Variants in PRKAR1B observed in about 807,000 individuals in gnomAD.
PRKAR1B encodes the protein protein kinase cAMP-dependent type I regulatory subunit beta, also known as cAMP-dependent protein kinase type I-beta regulatory subunit.
A neutral mutation model predicts 46.5 loss-of-function variants in PRKAR1B; 22 were observed. That is an observed-to-expected ratio of 0.47 (90% CI 0.34 to 0.68). The LOEUF (loss-of-function observed/expected upper bound fraction) is 0.68. Among genes scored for constraint, PRKAR1B ranks in the 30% least tolerant of loss-of-function variants. The pLI is 0.01. For synonymous variants in PRKAR1B, 259 were observed against 217.7 expected, an observed-to-expected ratio of 1.19 and a Z score of -1.67; for missense variants, 445 against 535.6, an observed-to-expected ratio of 0.83 and a Z score of 1.67.
chr7:559,808 G>A (rs949754632), intron 9 of PRKAR1B, among the ~76,000 whole-genome samples: 1 of 152,140 alleles, frequency 6.6e-6, no homozygotes, highest in Non-Finnish European at 1.5e-5. Context: ...GGGCACGGTG[G>A]CTCACACCTG....
intron 4 of PRKAR1B, among the ~76,000 whole-genome samples, chr7:643,957 G>A (rs12720007): frequency 0.13 from 19,271 of 152,104 alleles, 1,542 homozygotes; most frequent in Middle Eastern, 0.27. Context: ...CAGACATCGC[G>A]GGGCAGGGAC....
chr7:595,767 C>T (rs910919572), intron 7 of PRKAR1B, among the ~76,000 whole-genome samples: 3 of 152,186 alleles, frequency 2.0e-5, no homozygotes, highest in Admixed American at 6.5e-5. Flanking sequence ...ACAGGAAGCC[C>T]GTGGGTGAGC....
intron 4 of PRKAR1B, among the ~76,000 whole-genome samples, chr7:662,342 C>T (rs529425846): frequency 1.4e-4 from 18 of 124,920 alleles, no homozygotes; most frequent in Admixed American, 5.3e-4. Flanking sequence ...TACTCTCCCC[C>T]CCATGGCACA....
chr7:568,830 G>A (rs1347569702), intron 9 of PRKAR1B, among the ~76,000 whole-genome samples: 1 of 152,224 alleles, frequency 6.6e-6, no homozygotes, highest in African/African-American at 2.4e-5. Context: ...CTTGGAACCA[G>A]CCACTGCATT....
chr7:673,278 T>C (rs1459761269), intron 4 of PRKAR1B, among the ~76,000 whole-genome samples: 1 of 152,114 alleles, frequency 6.6e-6, no homozygotes, highest in Non-Finnish European at 1.5e-5. Context: ...GTGAACGTAA[T>C]ATCCGTTCAA....
intron 1 of PRKAR1B, chr7:726,918 C>T (rs1235486098): frequency 4.5e-6 from 6 of 1,347,324 alleles, no homozygotes; most frequent in Non-Finnish European, 1.9e-6. Flanking sequence ...CCGCCGACCC[C>T]ACCGCTTTCC....
chr7:585,573 C>G (rs1471059760), intron 7 of PRKAR1B, among the ~76,000 whole-genome samples: 1 of 150,354 alleles, frequency 6.7e-6, no homozygotes, highest in Non-Finnish European at 1.5e-5. Context: ...TTTTCCGTGA[C>G]CCTAGATAAG....
upstream of PRKAR1B, among the ~76,000 whole-genome samples, chr7:728,482 G>C (rs1380152291): frequency 6.6e-6 from 1 of 152,146 alleles, no homozygotes; most frequent in African/African-American, 2.4e-5. Context: ...AGCTGGACTT[G>C]GGGAAATGCC....
At chr7:726,714 G>T in intron 1 of PRKAR1B, 1 of 1,239,022 alleles carries the variant, frequency 8.1e-7, no homozygotes, top group Non-Finnish European at 1.0e-6. Flanking sequence ...CCGGCGACGC[G>T]GGCAAGATGG....
intron 4 of PRKAR1B, among the ~76,000 whole-genome samples, chr7:639,576 A>G (rs1784284719): frequency 6.6e-6 from 1 of 152,234 alleles, no homozygotes; most frequent in African/African-American, 2.4e-5. Flanking sequence ...ACTGCCAGGC[A>G]TACTGGCTCA....
intron 9 of PRKAR1B, among the ~76,000 whole-genome samples, chr7:559,186 A>G (rs1670129581): frequency 6.6e-6 from 1 of 152,214 alleles, no homozygotes; most frequent in African/African-American, 2.4e-5. Flanking sequence ...AGGCAGACAC[A>G]ACCCACAAGG....
intron 1 of PRKAR1B, among the ~76,000 whole-genome samples, chr7:720,006 T>TA (rs1226306529): frequency 6.6e-6 from 1 of 151,792 alleles, no homozygotes; most frequent in Non-Finnish European, 1.5e-5. Context: ...CTGTTGATGG[T>TA]AAGTGTGATT....
rs1454637318 is a variant in PRKAR1B, at chr7:677,250, T to TGAGCGAAGAGCACGTTCTTG, written c.399_418dup (p.His140ProfsTer54). 6.2e-7 allele frequency: 1 copy of TGAGCGAAGAGCACGTTCTTG among 1,614,232 alleles called. No individual in the cohort carries two copies. The highest frequency in any genetic ancestry group is 8.5e-7 in the Non-Finnish European group (1 of 1,180,044). ...CTACCTCCTCTCGTTGTCATCCAGG[T>TGAGCGAAGAGCACGTTCTTG]GAGCGAAGAGCACGTTCTTGGAGAT... is the stretch of plus-strand genomic sequence containing the variant. On this transcript the variant is annotated frameshift_variant, in exon 4 of 11. Coordinates refer to ENST00000537384, the MANE Select transcript of PRKAR1B (RefSeq NM_001164760.2). LOFTEE classifies it high-confidence loss of function.
intron 1 of PRKAR1B, chr7:726,456 C>G (rs1262009439): frequency 2.9e-6 from 1 of 341,468 alleles, no homozygotes; most frequent in African/African-American, 2.1e-5. Flanking sequence ...GCCCGGGACC[C>G]GCATCCCGGG....
At chr7:717,333 G>A (rs1583458911) in intron 1 of PRKAR1B, among the ~76,000 whole-genome samples, 2 of 151,326 alleles carry the variant, frequency 1.3e-5, no homozygotes, top group South Asian at 4.2e-4. Flanking sequence ...AGGAAAGAAA[G>A]AAAGGAAAAA....
chr7:657,142 T>A (rs1205088719), intron 4 of PRKAR1B, among the ~76,000 whole-genome samples: 2 of 152,114 alleles, frequency 1.3e-5, no homozygotes, highest in African/African-American at 4.8e-5. Context: ...GATGAATGAA[T>A]GAATGAATGA....
intron 7 of PRKAR1B, among the ~76,000 whole-genome samples, chr7:592,835 C>G (rs1321733952): frequency 1.3e-5 from 2 of 152,292 alleles, no homozygotes; most frequent in Non-Finnish European, 2.9e-5. Flanking sequence ...GAGTCCAAGA[C>G]CAGCCTAGGT....
chr7:722,664 G>A lies in PRKAR1B; in HGVS notation c.-23+4546C>T, dbSNP rs151049382. On this transcript the variant is annotated intron_variant, in intron 1 of 10. Transcript: ENST00000537384. ...TGGGATGACAGGCGTGAGCCACCGC[G>A]CCCAGCTGGTTCTTATGACTCTGCT... 2.5e-3 allele frequency among the ~76,000 whole-genome samples: 377 copies of A among 152,330 alleles called. 2 individuals carry two copies. Among genetic ancestry groups the A allele is most frequent in the African/African-American group, 8.3e-3 (346 of 41,566 alleles).
At chr7:576,069 C>A (rs1192655301) in intron 9 of PRKAR1B, among the ~76,000 whole-genome samples, 1 of 151,702 alleles carries the variant, frequency 6.6e-6, no homozygotes, top group Non-Finnish European at 1.5e-5. Flanking sequence ...ACACAGGCAT[C>A]CTCTCCTCTG....
Sources: gnomAD v4.1 joint callset for allele counts (sites outside exome capture counted in the v4.1 genomes callset) on GRCh38, gnomAD v4.1.1 for gene constraint, MANE v1.5 for transcripts, NCBI Gene and HGNC (gene_info 2026-07-23, HGNC 2026-07-21) for gene names.